AXIN1: variants seen among roughly 807,000 people sequenced by gnomAD.
AXIN1 encodes the protein axin 1, also known as axin-1.
Under a neutral mutation model 76.4 loss-of-function variants are expected in AXIN1, and 30 were observed. The observed-to-expected ratio is 0.39, with a 90% CI of 0.29 to 0.53. AXIN1 has a LOEUF of 0.53. AXIN1 is among the 20% of genes least tolerant of loss of function. The pLI is 0.66. For missense variants in AXIN1, 1,140 were observed against 1,198.8 expected (o/e 0.95, Z 0.72); for synonymous variants, 545 against 501.4 (o/e 1.09, Z -1.16).
intron 5 of AXIN1, among the ~76,000 whole-genome samples, chr16:302,080 G>A (rs2052888323): frequency 6.6e-6 from 1 of 152,222 alleles, no homozygotes; most frequent in Non-Finnish European, 1.5e-5. Flanking sequence ...CGCACAGCCA[G>A]CCTCCTCAGG....
Position 293,412 on chromosome 16 carries a change from C to A in AXIN1, c.2186+76G>T. ...CCGTTTTTCCCCTGAAGACCTCAGG[C>A]CTCGGGGAGCTTCAGCCCCAGGAGT... is the stretch of plus-strand genomic sequence containing the variant. On this transcript the variant is annotated intron_variant, in intron 8 of 10. Transcript: ENST00000262320. The surrounding 1 kb of genome is among the most constrained non-coding windows in gnomAD (Gnocchi z 4.6). The A allele has an allele frequency of 6.8e-7, 1 of 1,460,892 alleles. No individual in the cohort carries two copies. Among genetic ancestry groups the A allele is most frequent in the Non-Finnish European group, 9.4e-7 (1 of 1,063,562 alleles). The allele number at this position is 1,460,892 out of a possible 1,614,324, so 90.5% of individuals were successfully genotyped here.
chr16:295,210 ACT>A (rs2052678947), intron 7 of AXIN1, among the ~76,000 whole-genome samples: 2 of 149,422 alleles, frequency 1.3e-5, no homozygotes, highest in Admixed American at 1.3e-4. Flanking sequence ...GGTTCAAGCG[ACT>A]CTCCTGCCTC....
In AXIN1 at chr16:293,434, G is replaced by T. The variant is rs1357500353; in HGVS notation, c.2186+54C>A. On this transcript the variant is annotated intron_variant, in intron 8 of 10. Transcript: ENST00000262320. This position sits in a 1 kb window ranked among gnomAD's most constrained non-coding sequence, Gnocchi z 4.6. ...AGGCCTCGGGGAGCTTCAGCCCCAG[G>T]AGTGGTGCTGTGGTAACCCCCAAGA... 2 of 1,549,414 alleles carry T rather than the reference G, an allele frequency of 1.3e-6. No homozygotes were observed. The highest frequency in any genetic ancestry group is 8.8e-7 in the Non-Finnish European group (1 of 1,133,536).
chr16:342,674 G>A (rs911971490), intron 2 of AXIN1, among the ~76,000 whole-genome samples: 6 of 152,218 alleles, frequency 3.9e-5, no homozygotes, highest in East Asian at 1.9e-4. Context: ...GGGACACAGC[G>A]GCACACGTGC....
At chr16:323,848 C>T (rs899813491) in intron 2 of AXIN1, among the ~76,000 whole-genome samples, 2 of 152,118 alleles carry the variant, frequency 1.3e-5, no homozygotes, top group Non-Finnish European at 2.9e-5. Flanking sequence ...TTCTCACCTG[C>T]GTCTCTCTAG....
intron 1 of AXIN1, 106 bp downstream of exon 1, chr16:352,263 C>A (rs1050967734): frequency 1.4e-6 from 1 of 698,034 alleles, no homozygotes; most frequent in Non-Finnish European, 1.8e-6. Flanking sequence ...GCGCGCCCAC[C>A]CCCTCGGTCC....
chr16:349,931 G>A (rs762843084), intron 1 of AXIN1, among the ~76,000 whole-genome samples: 8 of 152,048 alleles, frequency 5.3e-5, no homozygotes, highest in Admixed American at 1.3e-4. Flanking sequence ...CTCAAGTGGC[G>A]GGGACTACAG....
chr16:298,510 G>A (rs1414764245), intron 5 of AXIN1, among the ~76,000 whole-genome samples: 1 of 152,186 alleles, frequency 6.6e-6, no homozygotes, highest in East Asian at 1.9e-4. Context: ...ATTTAGTTTA[G>A]TTTTATTCTT....
rs537096728 is a variant in AXIN1 at position 291,266 on chromosome 16, C to A, written c.2218G>T (p.Ala740Ser). Residue 740 changes from alanine to serine, a missense_variant, in exon 9 of 11, where the codon GCC becomes TCC. Around this residue, in one of 3 missense-constraint regions of AXIN1, gnomAD observed 429 missense variants for 405.8 expected, o/e 1.06. Transcript: ENST00000262320. The part of the protein sequence containing the change: ...YVQEVMRRGR[A>S]CVRPACAPVL... ...GGCGCGCACGCTGGCCTGACGCAGG[C>A]GCGTCCCCGCCGCATAACCTCCTGC... 5 of 1,580,182 alleles carry A rather than the reference C, an allele frequency of 3.2e-6. No individual in the cohort carries two copies. Among genetic ancestry groups the A allele is most frequent in the Non-Finnish European group, 4.3e-6 (5 of 1,163,578 alleles).
chr16:291,497 C>T (rs908277960), intron 8 of AXIN1, 200 bp from the exon 9 acceptor site: 23 of 623,358 alleles, frequency 3.7e-5, no homozygotes, highest in East Asian at 1.7e-4. Context: ...GATACTGCAG[C>T]GCGCCCCACA....
chr16:293,385 G>T lies in AXIN1; in HGVS notation c.2186+103C>A. The stretch of plus-strand genomic sequence containing the variant: ...CAGTATGGCTGGGGGACACCCAGAG[G>T]GCCGTTTTTCCCCTGAAGACCTCAG... On this transcript the variant is annotated intron_variant, in intron 8 of 10. Transcript: ENST00000262320. The surrounding 1 kb of genome is among the most constrained non-coding windows in gnomAD (Gnocchi z 4.6). 8.5e-7 allele frequency: 1 copy of T among 1,170,456 alleles called. No homozygotes were observed. The highest frequency in any genetic ancestry group is 1.2e-6 in the Non-Finnish European group (1 of 818,516). 72.5% of individuals were successfully genotyped at this position (1,170,456 alleles called of 1,614,324 possible).
At chr16:315,914 G>A (rs1312572183) in intron 2 of AXIN1, among the ~76,000 whole-genome samples, 1 of 151,278 alleles carries the variant, frequency 6.6e-6, no homozygotes, top group African/African-American at 2.4e-5. Context: ...TTAGCTAGGT[G>A]TGGTGGCACG....
chr16:326,639 G>A (rs559269994), intron 2 of AXIN1, among the ~76,000 whole-genome samples: 139 of 151,114 alleles, frequency 9.2e-4, no homozygotes, highest in African/African-American at 3.1e-3. Flanking sequence ...CCAGCTACTC[G>A]GGAGGCTGAA....
intron 2 of AXIN1, among the ~76,000 whole-genome samples, chr16:335,625 A>T (rs1163109679): frequency 6.6e-6 from 1 of 151,804 alleles, no homozygotes; most frequent in Non-Finnish European, 1.5e-5. Flanking sequence ...CATGGCACCC[A>T]ATAACAGCAC....
chr16:329,385 GATAGA>G (rs1420669011), intron 2 of AXIN1, among the ~76,000 whole-genome samples: 3 of 151,818 alleles, frequency 2.0e-5, no homozygotes, highest in African/African-American at 7.3e-5. Flanking sequence ...GAGCGATCTA[GATAGA>G]ATAGTAGTAT....
chr16:309,635 G>A (rs1052953791), intron 4 of AXIN1, among the ~76,000 whole-genome samples: 9 of 152,218 alleles, frequency 5.9e-5, no homozygotes, highest in Admixed American at 5.2e-4. Context: ...CCTGGGCTCT[G>A]AGTCTTGAGA....
chr16:332,126 A>G (rs2053703322), intron 2 of AXIN1, among the ~76,000 whole-genome samples: 1 of 152,204 alleles, frequency 6.6e-6, no homozygotes, highest in Non-Finnish European at 1.5e-5. Context: ...TTCAGCAGCG[A>G]CAATGGTCCC....
In AXIN1 at chr16:298,188, G is replaced by A. The variant is rs1266269685; in HGVS notation, c.1318C>T (p.Pro440Ser). Residue 440 changes from proline to serine, a missense_variant, in exon 6 of 11, where the codon CCC becomes TCC. This residue lies in a region of AXIN1 where 708 missense variants were observed against 776.9 expected (regional missense o/e 0.91). Coordinates refer to ENST00000262320, the MANE Select transcript of AXIN1 (RefSeq NM_003502.4). Reference sequence around the variant, plus strand: ...GGGAAGTGGTGCCAAGCGGGGGCGGGAGGCAGCTTGTGACACGGCCCTGGG... The same window carrying A: ...GGGAAGTGGTGCCAAGCGGGGGCGGAAGGCAGCTTGTGACACGGCCCTGGG... ...GPPGPCHKLP[P>S]APAWHHFPPR... 1 of 1,542,026 alleles carries A rather than the reference G, an allele frequency of 6.5e-7. No individual in the cohort carries two copies. Among genetic ancestry groups the A allele is most frequent in the Non-Finnish European group, 8.7e-7 (1 of 1,147,334 alleles).
intron 2 of AXIN1, among the ~76,000 whole-genome samples, chr16:320,771 G>A (rs1424797548): frequency 1.0e-4 from 12 of 116,668 alleles, no homozygotes; most frequent in Admixed American, 1.0e-4. Context: ...ACGGAGCCTC[G>A]CTCTTTCGCC....
Sources: gnomAD v4.1 joint callset for allele counts (sites outside exome capture counted in the v4.1 genomes callset) on GRCh38, gnomAD v4.1.1 for gene constraint, gnomAD v4.1.1 regional missense constraint, Gnocchi (gnomAD v3.1) non-coding constraint, MANE v1.5 for transcripts, NCBI Gene and HGNC (gene_info 2026-07-23, HGNC 2026-07-21) for gene names.